SAMD3: variants seen among roughly 807,000 people sequenced by gnomAD.
The protein encoded by SAMD3 is sterile alpha motif domain containing 3, also known as sterile alpha motif domain-containing protein 3.
In SAMD3, 63 loss-of-function variants were observed where a neutral mutation model predicts 58.5. The observed-to-expected ratio is 1.08, with a 90% CI of 0.88 to 1.33. SAMD3 has a LOEUF of 1.33. SAMD3 is among the 40% of genes most tolerant of loss of function. The pLI is 0.00. For synonymous variants in SAMD3, 220 were observed against 210.3 expected, an observed-to-expected ratio of 1.05 and a Z score of -0.40; for missense variants, 604 against 608.4, an observed-to-expected ratio of 0.99 and a Z score of 0.08.
intron 5 of SAMD3, among the ~76,000 whole-genome samples, chr6:130,195,172 C>T (rs1350000967): frequency 1.3e-5 from 2 of 152,140 alleles, no homozygotes; most frequent in African/African-American, 4.8e-5. Context: ...CATTGCTGCC[C>T]TTCTCCCCAA....
At position 130,213,313 on chromosome 6, in the gene SAMD3, CTTT is replaced by C. The variant is rs1221967075; in HGVS notation, c.269+1021_269+1023del. On this transcript the variant is annotated intron_variant, in intron 4 of 11. Coordinates refer to ENST00000439090, the MANE Select transcript of SAMD3 (RefSeq NM_001017373.4). The stretch of plus-strand genomic sequence containing the variant: ...ACCCATCTCTAAAAAAAACAAAAAG[CTTT>C]TTTTTTTTTAAAAAAAATCAATTAG... Among the ~76,000 whole-genome samples the C allele has an allele frequency of 7.0e-5, 9 of 128,100 alleles. No homozygotes were observed. The South Asian group carries it at 7.7e-4, about 11-fold the overall frequency. The allele number at this position is 128,100 out of a possible 152,430, so 84.0% of individuals were successfully genotyped here. A position where few individuals can be genotyped will look rare whatever the true frequency, so the allele number is the denominator to read the frequency against.
At chr6:130,341,823 AT>A (rs148320826) in intron 1 of SAMD3, among the ~76,000 whole-genome samples, 44 of 152,280 alleles carry the variant, frequency 2.9e-4, no homozygotes, top group African/African-American at 1.0e-3. Flanking sequence ...TGTCTTCCCC[AT>A]TTTCTGTGTT....
chr6:130,290,210 G>C (rs10457547), intron 2 of SAMD3, among the ~76,000 whole-genome samples: 1 of 151,792 alleles, frequency 6.6e-6, no homozygotes, highest in African/African-American at 2.4e-5. Flanking sequence ...GAATTGGTTC[G>C]TGTGATTATG....
intron 1 of SAMD3, among the ~76,000 whole-genome samples, chr6:130,323,910 G>A (rs1776670826): frequency 1.3e-5 from 2 of 151,492 alleles, no homozygotes; most frequent in African/African-American, 2.4e-5. Flanking sequence ...TTTAAGTGCT[G>A]GCTATGCAGC....
At chr6:130,348,205 A>C (rs1485036459) in intron 1 of SAMD3, among the ~76,000 whole-genome samples, 1 of 152,222 alleles carries the variant, frequency 6.6e-6, no homozygotes, top group African/African-American at 2.4e-5. Context: ...CCATAATGGC[A>C]GCATCAAATT....
chr6:130,279,739 C>T (rs1774917576), intron 2 of SAMD3, among the ~76,000 whole-genome samples: 2 of 152,152 alleles, frequency 1.3e-5, no homozygotes, highest in African/African-American at 4.8e-5. Flanking sequence ...CCCGCCTCGG[C>T]CTCCCAAAGT....
intron 2 of SAMD3, among the ~76,000 whole-genome samples, chr6:130,270,950 C>T (rs12526690): frequency 0.12 from 18,337 of 152,000 alleles, 1,529 homozygotes; most frequent in East Asian, 0.36. Context: ...TTGGCAGATA[C>T]TGCCAAATTG....
intron 5 of SAMD3, among the ~76,000 whole-genome samples, chr6:130,200,976 T>C (rs768221537): frequency 6.6e-6 from 1 of 152,176 alleles, no homozygotes; most frequent in African/African-American, 2.4e-5. Context: ...GTTGATAGCA[T>C]CACTAGTTAT....
intron 10 of SAMD3, 64 bp from the exon 11 acceptor site, chr6:130,145,486 T>C (rs1788539103): frequency 1.8e-6 from 2 of 1,128,140 alleles, no homozygotes; most frequent in East Asian, 2.5e-5. Context: ...TAAGCTAAGC[T>C]AGTATTGAAA....
chr6:130,340,114 T>A (rs1777223976), intron 1 of SAMD3, among the ~76,000 whole-genome samples: 1 of 152,202 alleles, frequency 6.6e-6, no homozygotes, highest in Non-Finnish European at 1.5e-5. Flanking sequence ...ACAATATGTG[T>A]TCAATAATAT....
intron 1 of SAMD3, among the ~76,000 whole-genome samples, chr6:130,314,657 T>G (rs115465217): frequency 0.021 from 3,144 of 152,348 alleles, 95 homozygotes; most frequent in African/African-American, 0.07. Flanking sequence ...GAATTGAATT[T>G]AATTTCAATA....
intron 1 of SAMD3, among the ~76,000 whole-genome samples, chr6:130,326,966 T>C (rs1164059103): frequency 6.6e-6 from 1 of 152,246 alleles, no homozygotes; most frequent in African/African-American, 2.4e-5. Context: ...TTTTAATAAT[T>C]GGATTTATAA....
intron 2 of SAMD3, among the ~76,000 whole-genome samples, chr6:130,303,352 G>C (rs2114977610): frequency 6.6e-6 from 1 of 152,210 alleles, no homozygotes; most frequent in South Asian, 2.1e-4. Flanking sequence ...TGATCTCTCT[G>C]TTGAGGTCTG....
intron 2 of SAMD3, among the ~76,000 whole-genome samples, chr6:130,305,837 C>T (rs1033479396): frequency 1.3e-5 from 2 of 152,200 alleles, no homozygotes; most frequent in Admixed American, 6.5e-5. Context: ...TTGTCCTAGT[C>T]TGTTTGGGCT....
chr6:130,306,923 T>A (rs1309726094), intron 2 of SAMD3, among the ~76,000 whole-genome samples: 2 of 152,222 alleles, frequency 1.3e-5, no homozygotes, highest in East Asian at 3.8e-4. Flanking sequence ...ATTAAAGTTT[T>A]AACTACTACT....
intron 9 of SAMD3, among the ~76,000 whole-genome samples, chr6:130,149,344 C>A (rs1788923836): frequency 6.6e-6 from 1 of 152,202 alleles, no homozygotes; most frequent in Non-Finnish European, 1.5e-5. Flanking sequence ...TAAAACAGAG[C>A]TACCATTTGA....
chr6:130,359,706 C>T lies in SAMD3; in HGVS notation c.-304+5414G>A, dbSNP rs181349453. On this transcript the variant is annotated intron_variant, in intron 1 of 13. Transcript: ENST00000368134. ...ACTCGCTCATTTCTATACAGCCCAA[C>T]TGAATATAATGCCCAATACATTATG... is the stretch of plus-strand genomic sequence containing the variant. 2.9e-3 allele frequency among the ~76,000 whole-genome samples: 447 copies of T among 152,290 alleles called. 1 individual carries two copies. The highest frequency in any genetic ancestry group is 6.8e-3 in the Middle Eastern group (2 of 294).
chr6:130,211,202 C>A (rs750337236), intron 4 of SAMD3, among the ~76,000 whole-genome samples: 1 of 152,004 alleles, frequency 6.6e-6, no homozygotes. Flanking sequence ...AAACCTTAGT[C>A]GCCACAACCC....
chr6:130,339,793 T>A (rs1306546469), intron 1 of SAMD3, among the ~76,000 whole-genome samples: 3 of 152,252 alleles, frequency 2.0e-5, no homozygotes, highest in African/African-American at 7.2e-5. Flanking sequence ...TCTTACCTTC[T>A]ATAGCCAGTG....
Sources: gnomAD v4.1 joint callset for allele counts (sites outside exome capture counted in the v4.1 genomes callset) on GRCh38, gnomAD v4.1.1 for gene constraint, MANE v1.5 for transcripts, NCBI Gene and HGNC (gene_info 2026-07-23, HGNC 2026-07-21) for gene names.